Variants in NEBL observed in about 807,000 individuals in gnomAD.
NEBL encodes the protein LIM and SH3 protein 2.
In NEBL, 122 loss-of-function variants were observed where a neutral mutation model predicts 140.2. That is an observed-to-expected ratio of 0.87 (90% confidence interval 0.75 to 1.01). The LOEUF is 1.01. NEBL is among the 50% of genes least tolerant of loss of function. The pLI, the probability that NEBL is intolerant of heterozygous loss-of-function variation, is 0.00. For synonymous variants in NEBL, 436 were observed against 398.9 expected (o/e 1.09, Z -1.11); for missense variants, 1,365 against 1,231.3 (o/e 1.11, Z -1.62).
At chr10:21,275,425 A>C (rs959703901) in intron 1 of NEBL, among the ~76,000 whole-genome samples, 1 of 152,168 alleles carries the variant, frequency 6.6e-6, no homozygotes, top group Non-Finnish European at 1.5e-5. Context: ...ATGACTCCAA[A>C]ATAGGGGTCT....
At chr10:20,858,421 C>T (rs1399479900) in intron 8 of NEBL, 77 bp from the exon 9 acceptor site, 7 of 1,220,394 alleles carry the variant, frequency 5.7e-6, no homozygotes, top group Non-Finnish European at 8.3e-6. Flanking sequence ...ATTTTTCATA[C>T]ATCATAAAGT....
chr10:20,991,365 ACT>A (rs1837448532), intron 3 of NEBL, among the ~76,000 whole-genome samples: 1 of 152,154 alleles, frequency 6.6e-6, no homozygotes. Flanking sequence ...TGTTATAAAC[ACT>A]GTCATATTGT....
chr10:20,831,746 T>A (rs566356207), intron 14 of NEBL, among the ~76,000 whole-genome samples, 163 bp from the exon 15 acceptor site: 2 of 152,138 alleles, frequency 1.3e-5, no homozygotes, highest in African/African-American at 4.8e-5. Context: ...GTGGTAGGAA[T>A]ACGACTTAGT....
chr10:20,969,910 G>A (rs976781715), intron 3 of NEBL, among the ~76,000 whole-genome samples: 4 of 152,048 alleles, frequency 2.6e-5, no homozygotes, highest in South Asian at 4.1e-4. Flanking sequence ...AGACACTCAA[G>A]TGTAGCTTAG....
At chr10:20,856,733 C>T (rs2131115873) in intron 9 of NEBL, among the ~76,000 whole-genome samples, 1 of 152,268 alleles carries the variant, frequency 6.6e-6, no homozygotes, top group East Asian at 1.9e-4. Flanking sequence ...TTCCTCTAAC[C>T]TCCATTCCCT....
chr10:21,085,713 T>C (rs894008958), intron 2 of NEBL, among the ~76,000 whole-genome samples: 2 of 152,202 alleles, frequency 1.3e-5, no homozygotes, highest in African/African-American at 4.8e-5. Context: ...AGCAATTTTC[T>C]ACATAAATAT....
intron 2 of NEBL, among the ~76,000 whole-genome samples, chr10:21,035,625 G>T (rs1026178652): frequency 1.4e-4 from 22 of 152,164 alleles, no homozygotes; most frequent in African/African-American, 5.1e-4. Flanking sequence ...GGAGAAAGAT[G>T]TCCAGCTTTA....
At chr10:20,787,452 T>G in intron 26 of NEBL, 144 bp from the exon 27 acceptor site, 1 of 707,488 alleles carries the variant, frequency 1.4e-6, no homozygotes, top group Non-Finnish European at 2.5e-6. Context: ...TAAGTTGCAG[T>G]GTTATAAGTG....
chr10:20,899,098 T>C (rs895628778), upstream of NEBL, among the ~76,000 whole-genome samples: 1 of 152,224 alleles, frequency 6.6e-6, no homozygotes, highest in African/African-American at 2.4e-5. Context: ...ACATTCCTTG[T>C]ATATTTTATT....
chr10:20,932,596 TA>T (rs1274997473), intron 4 of NEBL, among the ~76,000 whole-genome samples: 2 of 152,226 alleles, frequency 1.3e-5, no homozygotes, highest in African/African-American at 4.8e-5. Context: ...AAAATTTTTT[TA>T]AAATTTTTAA....
chr10:20,851,515 C>A (rs1382282587), intron 10 of NEBL, among the ~76,000 whole-genome samples: 1 of 151,872 alleles, frequency 6.6e-6, no homozygotes, highest in Non-Finnish European at 1.5e-5. Context: ...GTGGCTCACA[C>A]CTGTAATCCC....
chr10:21,022,359 G>A (rs1838832960), intron 2 of NEBL, among the ~76,000 whole-genome samples: 1 of 152,178 alleles, frequency 6.6e-6, no homozygotes, highest in East Asian at 1.9e-4. Flanking sequence ...CCATGAGAAG[G>A]CTGATGCAGT....
chr10:20,999,710 C>T (rs1019505999), intron 3 of NEBL, among the ~76,000 whole-genome samples: 21 of 152,194 alleles, frequency 1.4e-4, no homozygotes, highest in Non-Finnish European at 2.9e-4. Context: ...TCACTGGGAC[C>T]TATCTAAGGC....
intron 2 of NEBL, among the ~76,000 whole-genome samples, chr10:21,114,653 T>C (rs955805203): frequency 2.6e-5 from 4 of 152,082 alleles, no homozygotes; most frequent in Non-Finnish European, 4.4e-5. Context: ...TTACCCTCTT[T>C]ATTCCTAGTA....
At chr10:21,049,281 T>C (rs1321329373) in intron 2 of NEBL, among the ~76,000 whole-genome samples, 1 of 152,208 alleles carries the variant, frequency 6.6e-6, no homozygotes, top group Non-Finnish European at 1.5e-5. Context: ...AGTGGCCTTT[T>C]AGAGTGTTTC....
intron 4 of NEBL, among the ~76,000 whole-genome samples, chr10:20,940,351 A>T (rs1834784515): frequency 6.7e-6 from 1 of 149,230 alleles, no homozygotes. Flanking sequence ...TACATAACGA[A>T]ATGAAGGCAG....
chr10:21,071,214 T>A (rs1032520249), intron 2 of NEBL, among the ~76,000 whole-genome samples: 6 of 149,078 alleles, frequency 4.0e-5, no homozygotes, highest in African/African-American at 1.5e-4. Context: ...ATTATTATAA[T>A]TTTTAAATAA....
chr10:21,226,867 C>T (rs1305522470), intron 3 of NEBL, among the ~76,000 whole-genome samples: 1 of 152,108 alleles, frequency 6.6e-6, no homozygotes, highest in Admixed American at 6.6e-5. Flanking sequence ...AGGTCCTATG[C>T]TTTTTTGTGT....
intron 2 of NEBL, among the ~76,000 whole-genome samples, chr10:21,031,536 A>G (rs1399922095): frequency 6.6e-6 from 1 of 152,218 alleles, no homozygotes; most frequent in Non-Finnish European, 1.5e-5. Context: ...ATTTACATCT[A>G]AGCGGCGCTG....
Sources: gnomAD v4.1 joint callset for allele counts (sites outside exome capture counted in the v4.1 genomes callset) on GRCh38, gnomAD v4.1.1 for gene constraint, MANE v1.5 for transcripts, NCBI Gene and HGNC (gene_info 2026-07-23, HGNC 2026-07-21) for gene names.